Variants in NFASC observed in about 807,000 individuals in gnomAD.
NFASC encodes the protein neurofascin, also known as neurofascin homolog.
A neutral mutation model predicts 147.5 loss-of-function variants in NFASC; 43 were observed. The ratio of observed to expected loss-of-function variants is 0.29; its 90% CI spans 0.23 to 0.38. The LOEUF is 0.38. Among genes scored for constraint, NFASC ranks in the 10% least tolerant of loss-of-function variants. The pLI, the probability that NFASC is intolerant of heterozygous loss-of-function variation, is 1.00. For synonymous variants in NFASC, 622 were observed against 665.5 expected (o/e 0.93, Z 1.01); for missense variants, 1,320 against 1,689.0 (o/e 0.78, Z 3.83).
At chr1:204,984,707 G>A (rs570972600) in intron 21 of NFASC, among the ~76,000 whole-genome samples, 3 of 152,232 alleles carry the variant, frequency 2.0e-5, no homozygotes, top group Admixed American at 2.0e-4. Flanking sequence ...CCAGTATATG[G>A]ACTATCAAGG....
At chr1:204,918,175 AC>A (rs1359047627) in intron 1 of NFASC, among the ~76,000 whole-genome samples, 1 of 152,234 alleles carries the variant, frequency 6.6e-6, no homozygotes, top group Non-Finnish European at 1.5e-5. Context: ...ATATTATAGT[AC>A]CATCAATAAT....
chr1:204,936,199 T>TTTC (rs1491180069), intron 2 of NFASC, among the ~76,000 whole-genome samples: 2 of 9,592 alleles, frequency 2.1e-4, no homozygotes, highest in Admixed American at 1.5e-3. Context: ...TCTCTCTTTC[T>TTTC]TTTTCTTTTT....
At chr1:204,870,941 T>C (rs1218096256) in intron 1 of NFASC, 1 of 1,246,568 alleles carries the variant, frequency 8.0e-7, no homozygotes, top group Non-Finnish European at 1.0e-6. Context: ...GGGATTTTGC[T>C]CAGGCCTAAG....
In NFASC at chr1:204,828,848, C is replaced by G. The variant is rs975418082; in HGVS notation, c.-200+66C>G. 3 of 973,318 alleles carry G rather than the reference C, an allele frequency of 3.1e-6. No homozygotes were observed. The African/African-American group carries it at 5.3e-5, about 17-fold the overall frequency. The allele number at this position is 973,318 out of a possible 1,614,324, so 60.3% of individuals were successfully genotyped here. On this transcript the variant is annotated intron_variant, in intron 1 of 29. Coordinates refer to ENST00000339876, the MANE Select transcript of NFASC (RefSeq NM_001005388.3). Reference sequence around the variant, plus strand: ...CATGGAAACCCACCTAGCGACACCCCCTTGTTCCCGCCCTCGTCTGTCTCC... The same window carrying G: ...CATGGAAACCCACCTAGCGACACCCGCTTGTTCCCGCCCTCGTCTGTCTCC...
chr1:204,866,002 A>C (rs577772044), intron 1 of NFASC, among the ~76,000 whole-genome samples: 4 of 152,204 alleles, frequency 2.6e-5, no homozygotes, highest in Non-Finnish European at 4.4e-5. Flanking sequence ...TGTAAAATTT[A>C]ACCTTTCTGG....
At chr1:204,990,269 G>A (rs1248690140) in intron 23 of NFASC, 2 of 152,242 alleles carry the variant, frequency 1.3e-5, no homozygotes, top group African/African-American at 4.8e-5. Flanking sequence ...TTAGGGCAGG[G>A]GGACTTAGGT....
At chr1:204,965,473 A>G (rs1191260080) in intron 8 of NFASC, among the ~76,000 whole-genome samples, 2 of 152,166 alleles carry the variant, frequency 1.3e-5, no homozygotes, top group Non-Finnish European at 2.9e-5. Context: ...CTCATTCCTT[A>G]ATGATATTAT....
chr1:204,953,915 A>G, intron 5 of NFASC, among the ~76,000 whole-genome samples: 1 of 152,210 alleles, frequency 6.6e-6, no homozygotes, highest in East Asian at 1.9e-4. Context: ...TAACACTTAG[A>G]GCCACGAGTC....
chr1:204,866,460 C>T (rs891263639), intron 1 of NFASC, among the ~76,000 whole-genome samples: 9 of 152,302 alleles, frequency 5.9e-5, no homozygotes, highest in African/African-American at 2.2e-4. Context: ...AGCTGGCAGA[C>T]CTGTCTCATT....
intron 1 of NFASC, among the ~76,000 whole-genome samples, chr1:204,888,241 T>G (rs146718383): frequency 6.6e-6 from 1 of 152,328 alleles, no homozygotes; most frequent in Non-Finnish European, 1.5e-5. Context: ...CCCACTGTAC[T>G]GCAGAACCAA....
At chr1:204,911,799 T>C (rs771357023) in intron 1 of NFASC, among the ~76,000 whole-genome samples, 19 of 152,290 alleles carry the variant, frequency 1.2e-4, no homozygotes, top group South Asian at 2.1e-4. Flanking sequence ...TTAATTTCAT[T>C]TTCTTAATTA....
rs2087214352 is a variant in NFASC at position 204,910,706 on chromosome 1, T to C, written c.-199-9926T>C. On this transcript the variant is annotated intron_variant, in intron 1 of 29. Transcript: ENST00000339876. ...TTTGTAGGGAGAAGATCTTGCTATG[T>C]TATCCAGGCTGGTCTTGAACACCTG... 2.0e-5 allele frequency among the ~76,000 whole-genome samples: 3 copies of C among 152,206 alleles called. No individual in the cohort carries two copies. In the South Asian group the frequency reaches 6.2e-4, roughly 32 times the overall value.
intron 2 of NFASC, among the ~76,000 whole-genome samples, chr1:204,922,862 C>T (rs1478163289): frequency 2.0e-5 from 3 of 152,200 alleles, no homozygotes; most frequent in Non-Finnish European, 4.4e-5. Context: ...CTGACCCAGG[C>T]TTCTTTAGAT....
rs115382692 is a variant in NFASC at position 204,930,829 on chromosome 1, A to G, written c.-91+10089A>G. ...AGCAGAGATGGCAGGAGGTGCAGAA[A>G]GCACGTGGCCTATACAGGCCTGGAG... On this transcript the variant is annotated intron_variant, in intron 2 of 29. Transcript: ENST00000339876. Among the ~76,000 whole-genome samples the G allele has an allele frequency of 2.7e-3, 406 of 152,346 alleles. 4 individuals are homozygous for G. Among genetic ancestry groups the G allele is most frequent in the African/African-American group, 9.3e-3 (386 of 41,588 alleles).
rs117694291 is a variant in NFASC, at chr1:204,834,903, C to A, written c.-200+6121C>A. 3.7e-3 allele frequency among the ~76,000 whole-genome samples: 559 copies of A among 152,206 alleles called. 15 individuals are homozygous for A. In the East Asian group the frequency reaches 0.073, roughly 20 times the overall value. ...GCCTGTTTCTGCCTGCCCCACCCAG[C>A]CCCTCGTACTTAGCTTCATACCTAG... On this transcript the variant is annotated intron_variant, in intron 1 of 29. Transcript: ENST00000339876.
chr1:204,939,036 G>GTAT (rs56254708), intron 2 of NFASC, among the ~76,000 whole-genome samples: 9,178 of 124,334 alleles, frequency 0.074, 388 homozygotes, highest in Middle Eastern at 0.099. Flanking sequence ...CTGTATGGAT[G>GTAT]GATGTGTGTG....
At chr1:204,855,723 C>G (rs536874169) in intron 1 of NFASC, among the ~76,000 whole-genome samples, 2 of 152,144 alleles carry the variant, frequency 1.3e-5, no homozygotes, top group Non-Finnish European at 2.9e-5. Flanking sequence ...CCCTCCAACC[C>G]TTGCTGCTAT....
chr1:204,997,047 G>C (rs769166562), intron 24 of NFASC, 123 bp from the exon 25 acceptor site: 46 of 1,465,156 alleles, frequency 3.1e-5, no homozygotes, highest in Non-Finnish European at 4.0e-5. Flanking sequence ...TATGCTTGGG[G>C]AGGCTCCTGA....
Position 204,985,967 on chromosome 1 carries a change from C to T in NFASC, c.2471-1451C>T, listed in dbSNP as rs765387808. ...GAACCTGTGGGTGTCTCAGAAGAGA[C>T]AGCAAGCCAGCTTCCCTGGTGACCG... On this transcript the variant is annotated intron_variant, in intron 21 of 29. Coordinates refer to ENST00000339876, the MANE Select transcript of NFASC (RefSeq NM_001005388.3). 1.2e-6 allele frequency: 2 copies of T among 1,613,976 alleles called. No individual in the cohort carries two copies. The highest frequency in any genetic ancestry group is 3.3e-5 in the Admixed American group (2 of 60,028).
Sources: gnomAD v4.1 joint callset for allele counts (sites outside exome capture counted in the v4.1 genomes callset) on GRCh38, gnomAD v4.1.1 for gene constraint, MANE v1.5 for transcripts, NCBI Gene and HGNC (gene_info 2026-07-23, HGNC 2026-07-21) for gene names.